Variants in KCND2 observed in about 807,000 individuals in gnomAD.
KCND2 encodes the protein potassium voltage-gated channel subfamily D member 2.
Under a neutral mutation model 54.4 loss-of-function variants are expected in KCND2, and 16 were observed. The observed-to-expected ratio is 0.29, with a 90% CI of 0.20 to 0.45. The LOEUF (loss-of-function observed/expected upper bound fraction) is 0.45, where lower values mean the gene tolerates loss of function less well. Among genes scored for constraint, KCND2 ranks in the 20% least tolerant of loss-of-function variants. KCND2 has a pLI of 1.00. For synonymous variants in KCND2, 317 were observed against 310.7 expected (o/e 1.02, Z -0.21); for missense variants, 486 against 824.2 (o/e 0.59, Z 5.02).
At chr7:120,533,766 T>C (rs564240860) in intron 1 of KCND2, among the ~76,000 whole-genome samples, 2 of 152,236 alleles carry the variant, frequency 1.3e-5, no homozygotes, top group East Asian at 3.9e-4. Context: ...TTCCTTGTGG[T>C]CTTTCAGCCA....
chr7:120,450,389 C>T (rs1360242080), intron 1 of KCND2, among the ~76,000 whole-genome samples: 2 of 151,950 alleles, frequency 1.3e-5, no homozygotes, highest in Non-Finnish European at 2.9e-5. Context: ...AGCCTGGTGA[C>T]AGAGTGAGAC....
intron 1 of KCND2, among the ~76,000 whole-genome samples, chr7:120,542,654 C>T (rs543578760): frequency 9.9e-5 from 15 of 152,226 alleles, no homozygotes; most frequent in Non-Finnish European, 1.9e-4. Flanking sequence ...CCTGATCCCT[C>T]AGGGAACCAA....
intron 1 of KCND2, among the ~76,000 whole-genome samples, chr7:120,332,918 C>T (rs898394248): frequency 1.2e-4 from 18 of 152,034 alleles, no homozygotes; most frequent in African/African-American, 4.3e-4. Context: ...AAACTCTTAT[C>T]CAAGATAATA....
chr7:120,727,236 T>A (rs1408500657), intron 1 of KCND2, among the ~76,000 whole-genome samples: 2 of 152,098 alleles, frequency 1.3e-5, no homozygotes, highest in African/African-American at 2.4e-5. Flanking sequence ...CCATTTGAGA[T>A]ATAAAGACAG....
At chr7:120,408,936 G>C (rs182395789) in intron 1 of KCND2, among the ~76,000 whole-genome samples, 1 of 151,896 alleles carries the variant, frequency 6.6e-6, no homozygotes, top group East Asian at 1.9e-4. Flanking sequence ...GGAGAAAAAG[G>C]TATTAGAAAA....
intron 1 of KCND2, among the ~76,000 whole-genome samples, chr7:120,423,460 C>T (rs1166752577): frequency 6.6e-6 from 1 of 152,332 alleles, no homozygotes; most frequent in South Asian, 2.1e-4. Context: ...TGTCACTCCA[C>T]ATCTTCAGCT....
chr7:120,561,021 A>G (rs1584828641), intron 1 of KCND2, among the ~76,000 whole-genome samples: 1 of 152,214 alleles, frequency 6.6e-6, no homozygotes, highest in Admixed American at 6.5e-5. Context: ...GCAAACAGTA[A>G]AACTAATTAA....
chr7:120,735,837 C>T lies in KCND2; in HGVS notation c.1278+2772C>T, dbSNP rs566326933. On this transcript the variant is annotated intron_variant, in intron 2 of 5. Coordinates refer to ENST00000331113, the MANE Select transcript of KCND2 (RefSeq NM_012281.3). ...AATATGTCCAGTATGTAGACTGTGACCAATAAACTGAACATAATCTTCTAA... is the reference window on the plus strand; with the variant it reads ...AATATGTCCAGTATGTAGACTGTGATCAATAAACTGAACATAATCTTCTAA... Among the ~76,000 whole-genome samples the T allele has an allele frequency of 3.6e-4, 54 of 151,834 alleles. 1 individual carries two copies. The Middle Eastern group carries it at 0.017, about 48-fold the overall frequency.
intron 1 of KCND2, among the ~76,000 whole-genome samples, chr7:120,386,529 C>A (rs1800990193): frequency 1.3e-5 from 2 of 152,122 alleles, no homozygotes; most frequent in Admixed American, 6.6e-5. Flanking sequence ...TACAAATATT[C>A]TTTGGTACTC....
chr7:120,682,753 T>C (rs1792155497), intron 1 of KCND2, among the ~76,000 whole-genome samples: 1 of 152,178 alleles, frequency 6.6e-6, no homozygotes, highest in Non-Finnish European at 1.5e-5. Flanking sequence ...AATAGCCGGT[T>C]AAAAGTATTT....
At chr7:120,588,307 A>G (rs1392474397) in intron 1 of KCND2, among the ~76,000 whole-genome samples, 2 of 152,094 alleles carry the variant, frequency 1.3e-5, no homozygotes, top group Non-Finnish European at 1.5e-5. Flanking sequence ...CAGAATTAAA[A>G]TACTATGAAT....
intron 1 of KCND2, among the ~76,000 whole-genome samples, chr7:120,575,692 A>G (rs1050392873): frequency 2.0e-5 from 3 of 152,202 alleles, no homozygotes; most frequent in African/African-American, 4.8e-5. Flanking sequence ...GAAACAGCTT[A>G]CTTAAGTAGC....
intron 2 of KCND2, among the ~76,000 whole-genome samples, chr7:120,734,442 A>G (rs1056456597): frequency 6.6e-5 from 10 of 152,092 alleles, no homozygotes; most frequent in Admixed American, 1.3e-4. Flanking sequence ...AGTACCCCCA[A>G]ATTAAGCAAT....
chr7:120,682,853 C>T (rs1792156997), intron 1 of KCND2, among the ~76,000 whole-genome samples: 1 of 152,090 alleles, frequency 6.6e-6, no homozygotes, highest in Non-Finnish European at 1.5e-5. Context: ...ATGCTTGTTC[C>T]ACATTTCTGC....
chr7:120,334,989 C>G (rs1043572889), intron 1 of KCND2, among the ~76,000 whole-genome samples: 16 of 152,224 alleles, frequency 1.1e-4, no homozygotes, highest in Admixed American at 8.5e-4. Flanking sequence ...ATGAAGAGTA[C>G]AGCTTGACCA....
chr7:120,570,096 G>A (rs545874447), intron 1 of KCND2, among the ~76,000 whole-genome samples: 1 of 152,224 alleles, frequency 6.6e-6, no homozygotes, highest in African/African-American at 2.4e-5. Flanking sequence ...TTAACATTGT[G>A]TAAATAACTT....
intron 1 of KCND2, among the ~76,000 whole-genome samples, chr7:120,300,075 T>A (rs1799564397): frequency 6.6e-6 from 1 of 152,182 alleles, no homozygotes. Flanking sequence ...CAAAGTTAAC[T>A]TTAAGGAAGA....
chr7:120,460,558 C>CTTTT (rs67237835), intron 1 of KCND2, among the ~76,000 whole-genome samples: 4 of 130,266 alleles, frequency 3.1e-5, no homozygotes, highest in African/African-American at 5.6e-5. Context: ...CCACCACGGC[C>CTTTT]TTTTTTTTTT....
intron 1 of KCND2, among the ~76,000 whole-genome samples, chr7:120,606,207 A>G (rs908988984): frequency 2.0e-5 from 3 of 152,140 alleles, no homozygotes; most frequent in Non-Finnish European, 4.4e-5. Context: ...AAAATTGACT[A>G]ATAGATTTAT....
Sources: allele counts gnomAD v4.1 joint callset (sites outside exome capture counted in the v4.1 genomes callset), GRCh38; gene constraint gnomAD v4.1.1; transcripts MANE v1.5; gene names NCBI Gene and HGNC (gene_info 2026-07-23, HGNC 2026-07-21).